LAMA2: variants seen among roughly 807,000 people sequenced by gnomAD.
LAMA2 encodes laminin subunit alpha 2, also known as laminin subunit alpha-2.
A neutral mutation model predicts 364.8 loss-of-function variants in LAMA2; 269 were observed. That is an observed-to-expected ratio of 0.74 (90% CI 0.67 to 0.82). The LOEUF is 0.82. LAMA2 is among the 40% of genes least tolerant of loss of function. LAMA2 has a pLI of 0.00. For synonymous variants in LAMA2, 1,379 were observed against 1,370.6 expected (o/e 1.01, Z -0.14); for missense variants, 3,807 against 3,873.2 (o/e 0.98, Z 0.45).
intron 54 of LAMA2, among the ~76,000 whole-genome samples, chr6:129,479,360 G>A (rs1435510304): frequency 6.6e-6 from 1 of 152,168 alleles, no homozygotes; most frequent in African/African-American, 2.4e-5. Flanking sequence ...TGCCTGCAAA[G>A]TCCTTTGTTA....
At chr6:129,347,286 G>A (rs575257750) in intron 30 of LAMA2, among the ~76,000 whole-genome samples, 1 of 152,228 alleles carries the variant, frequency 6.6e-6, no homozygotes, top group South Asian at 2.1e-4. Flanking sequence ...CTGGGATGGG[G>A]AAAATTAGGG....
At chr6:129,149,183 A>G (rs1270729451) in intron 7 of LAMA2, 87 bp downstream of exon 7, 2 of 835,240 alleles carry the variant, frequency 2.4e-6, no homozygotes, top group Non-Finnish European at 4.2e-6. Flanking sequence ...ATGGCTGGTT[A>G]TGCAAATGTG....
intron 1 of LAMA2, among the ~76,000 whole-genome samples, chr6:128,927,512 G>T (rs144948613): frequency 6.6e-6 from 1 of 151,744 alleles, no homozygotes; most frequent in Admixed American, 6.6e-5. Flanking sequence ...ATCCTTATTC[G>T]CATATTCCTT....
chr6:129,362,759 TG>T (rs1777539851), intron 32 of LAMA2, among the ~76,000 whole-genome samples: 1 of 152,034 alleles, frequency 6.6e-6, no homozygotes, highest in Non-Finnish European at 1.5e-5. Flanking sequence ...GGTATAGGGC[TG>T]GGGGTGGTGG....
intron 1 of LAMA2, among the ~76,000 whole-genome samples, chr6:128,940,782 C>T (rs1448380766): frequency 6.6e-6 from 1 of 151,948 alleles, no homozygotes; most frequent in Non-Finnish European, 1.5e-5. Flanking sequence ...TACCTTGTCT[C>T]TACAAAAAAA....
chr6:129,368,150 A>G (rs985628206), intron 33 of LAMA2, among the ~76,000 whole-genome samples: 20 of 152,236 alleles, frequency 1.3e-4, no homozygotes, highest in African/African-American at 4.8e-4. Flanking sequence ...TGAAGGCTAC[A>G]TTCTCATGAC....
intron 10 of LAMA2, among the ~76,000 whole-genome samples, chr6:129,189,877 C>A (rs1781430040): frequency 6.6e-6 from 1 of 152,124 alleles, no homozygotes; most frequent in South Asian, 2.1e-4. Flanking sequence ...GTGAACCTAA[C>A]TGGCCCCATT....
intron 31 of LAMA2, among the ~76,000 whole-genome samples, chr6:129,350,885 C>T (rs1365645380): frequency 6.6e-6 from 1 of 152,144 alleles, no homozygotes. Context: ...TAACTCTAAA[C>T]ACAGTATCCA....
chr6:129,352,860 T>C (rs1339894146), intron 31 of LAMA2, among the ~76,000 whole-genome samples: 2 of 152,134 alleles, frequency 1.3e-5, no homozygotes, highest in Non-Finnish European at 2.9e-5. Context: ...ATCCAATTCT[T>C]CTCATTAGTA....
At chr6:129,481,149 C>G in intron 54 of LAMA2, 114 bp from the exon 55 acceptor site, 2 of 821,188 alleles carry the variant, frequency 2.4e-6, no homozygotes, top group South Asian at 2.8e-5. Context: ...GCTTTCTAAA[C>G]CTATGATGTA....
intron 37 of LAMA2, among the ~76,000 whole-genome samples, chr6:129,394,362 C>A (rs1232821761): frequency 6.6e-6 from 1 of 152,154 alleles, no homozygotes; most frequent in Non-Finnish European, 1.5e-5. Context: ...TACAATCAAC[C>A]AGGATTTTTT....
intron 53 of LAMA2, 133 bp downstream of exon 53, chr6:129,475,534 CG>C: frequency 1.6e-6 from 1 of 637,916 alleles, no homozygotes. Flanking sequence ...ACGAGCAAGC[CG>C]TGCATTCTGT....
chr6:129,315,938 T>C lies in LAMA2; in HGVS notation c.3912T>C (p.Ile1304=), dbSNP rs1774574307. ...TTGGCCAATTGACAAGGCATGAAAT[T>C]GAAATGACAGAGGTAAAGTTAGTCA... The part of the protein sequence containing the change: ...PLIGQLTRHE[I]EMTEKEWKYY... Residue 1304 remains isoleucine (I), a synonymous_variant, in exon 26 of 65, where the codon ATT becomes ATC. Transcript: ENST00000421865. 1 of 1,613,994 alleles carries C rather than the reference T, an allele frequency of 6.2e-7. No homozygotes were observed. Among genetic ancestry groups the C allele is most frequent in the Admixed American group, 1.7e-5 (1 of 60,006 alleles).
chr6:129,189,112 T>G (rs1194222091), intron 10 of LAMA2, among the ~76,000 whole-genome samples: 1 of 152,038 alleles, frequency 6.6e-6, no homozygotes. Context: ...TTTCTACCTC[T>G]GAATAGATTA....
In LAMA2 at chr6:129,369,929, T is replaced by C. The variant is rs904703791; in HGVS notation, c.4898T>C (p.Ile1633Thr). Residue 1633 changes from isoleucine to threonine, a missense_variant, in exon 34 of 65, where the codon ATT (isoleucine) becomes ACT (threonine). Coordinates refer to ENST00000421865, the MANE Select transcript of LAMA2 (RefSeq NM_000426.4). Reference protein sequence around the residue: ...LSPQRAPERLIQLAEGNLNTL... With the variant: ...LSPQRAPERLTQLAEGNLNTL... ...CCTCAGCGGGCCCCAGAGAGGCTTA[T>C]TCAGCTGGCAGAGGGCAATCTGAAT... 4 of 1,614,136 alleles carry C rather than the reference T, an allele frequency of 2.5e-6. No homozygotes were observed. Among genetic ancestry groups the C allele is most frequent in the Non-Finnish European group, 3.4e-6 (4 of 1,179,994 alleles).
At chr6:129,117,693 T>A (rs1043848371) in intron 4 of LAMA2, among the ~76,000 whole-genome samples, 1 of 152,220 alleles carries the variant, frequency 6.6e-6, no homozygotes, top group Non-Finnish European at 1.5e-5. Context: ...ATAGCTCACA[T>A]TCCCCGATCA....
At chr6:128,961,320 T>G (rs1196296446) in intron 1 of LAMA2, among the ~76,000 whole-genome samples, 3 of 17,684 alleles carry the variant, frequency 1.7e-4, no homozygotes, top group East Asian at 1.7e-3. Flanking sequence ...ACTAATATGA[T>G]ATATATATAT....
chr6:129,297,819 C>T lies in LAMA2; in HGVS notation c.2991C>T (p.Asp997=), dbSNP rs756239416. The T allele has an allele frequency of 6.2e-7, 1 of 1,614,004 alleles. No individual in the cohort carries two copies. The highest frequency in any genetic ancestry group is 2.2e-5 in the East Asian group (1 of 44,882). The part of the protein sequence containing the change: ...CQPGVTGKKC[D]RCAHGYFNFQ... ...CTGGAGTCACAGGGAAGAAATGTGACCGCTGTGCCCACGGCTATTTCAACT... is the reference window on the plus strand; with the variant it reads ...CTGGAGTCACAGGGAAGAAATGTGATCGCTGTGCCCACGGCTATTTCAACT... The change falls in exon 21 of 65, where the codon GAC becomes GAT. Residue 997 remains aspartate, a synonymous_variant. Coordinates refer to ENST00000421865, the MANE Select transcript of LAMA2 (RefSeq NM_000426.4).
intron 12 of LAMA2, among the ~76,000 whole-genome samples, chr6:129,208,145 A>G (rs997095457): frequency 1.3e-5 from 2 of 152,240 alleles, no homozygotes; most frequent in Non-Finnish European, 2.9e-5. Context: ...TCTTACTCCC[A>G]GCATTATTTA....
Sources: allele counts gnomAD v4.1 joint callset (sites outside exome capture counted in the v4.1 genomes callset), GRCh38; gene constraint gnomAD v4.1.1; transcripts MANE v1.5; gene names NCBI Gene and HGNC (gene_info 2026-07-23, HGNC 2026-07-21).